JAKMIP3: variants seen among roughly 807,000 people sequenced by gnomAD.
JAKMIP3 encodes the protein janus kinase and microtubule-interacting protein 3.
In JAKMIP3, 58 loss-of-function variants were observed where a neutral mutation model predicts 118.5. That is an observed-to-expected ratio of 0.49 (90% CI 0.40 to 0.61). The LOEUF is 0.61. Among genes scored for constraint, JAKMIP3 ranks in the 20% least tolerant of loss-of-function variants. The pLI is 0.00. For synonymous variants in JAKMIP3, 486 were observed against 451.2 expected (o/e 1.08, Z -0.98); for missense variants, 950 against 1,109.0 (o/e 0.86, Z 2.04).
intron 1 of JAKMIP3, among the ~76,000 whole-genome samples, chr10:132,058,706 G>A (rs1281421561): frequency 6.6e-6 from 1 of 152,222 alleles, no homozygotes; most frequent in Non-Finnish European, 1.5e-5. Context: ...GACGCACCCG[G>A]CTGTTGGAAA....
intron 16 of JAKMIP3, among the ~76,000 whole-genome samples, chr10:132,152,004 G>A (rs749768358): frequency 4.0e-4 from 61 of 152,300 alleles, no homozygotes; most frequent in Middle Eastern, 3.4e-3. Context: ...TCACCCTGAA[G>A]CCACCTGCTC....
intron 23 of JAKMIP3, chr10:132,181,660 G>C: frequency 6.6e-6 from 1 of 152,242 alleles, no homozygotes; most frequent in East Asian, 1.9e-4. Context: ...TGTGTCATTT[G>C]ACTACATTTA....
chr10:132,145,553 C>CTT lies in JAKMIP3; in HGVS notation c.1722_1723insTT (p.Arg575PhefsTer75). On this transcript the variant is annotated frameshift_variant, in exon 13 of 24. Transcript: ENST00000684848. LOFTEE classifies it high-confidence loss of function. ...GGATTGAAGAGAAGCAGGCACTGTA[C>CTT]CGGAGAAATCAAGAGCTTGTGGAAA... The CTT allele has an allele frequency of 6.4e-7, 1 of 1,565,026 alleles. No homozygotes were observed. The highest frequency in any genetic ancestry group is 8.7e-7 in the Non-Finnish European group (1 of 1,154,792).
chr10:132,139,423 T>C (rs928419395), intron 9 of JAKMIP3, among the ~76,000 whole-genome samples: 10 of 97,502 alleles, frequency 1.0e-4, no homozygotes, highest in Admixed American at 4.1e-4. Flanking sequence ...TGAGTGTGTG[T>C]GTGTGTTTGT....
chr10:132,149,312 G>C, intron 14 of JAKMIP3, 100 bp from the exon 15 acceptor site: 1 of 750,994 alleles, frequency 1.3e-6, no homozygotes. Context: ...TTGATCCCTG[G>C]TTCCATGGTC....
At position 132,103,925 on chromosome 10, in the gene JAKMIP3, G is replaced by T. The variant is rs1036810103; in HGVS notation, c.-137-747G>T. Among the ~76,000 whole-genome samples, 114 of 152,288 alleles carry T rather than the reference G, an allele frequency of 7.5e-4. 1 individual carries two copies. The highest frequency in any genetic ancestry group is 2.7e-3 in the African/African-American group (111 of 41,552). ...CCCCTGGCACCCACCATTCTACTTA[G>T]TTCCTGGGTTTGCCGACTGTAGATC... is the stretch of plus-strand genomic sequence containing the variant. On this transcript the variant is annotated intron_variant, in intron 1 of 23. Coordinates refer to ENST00000684848, the MANE Select transcript of JAKMIP3 (RefSeq NM_001323087.2).
intron 23 of JAKMIP3, among the ~76,000 whole-genome samples, chr10:132,171,278 AAG>A (rs1308958130): frequency 6.6e-6 from 1 of 152,178 alleles, no homozygotes; most frequent in Non-Finnish European, 1.5e-5. Context: ...GGTGTCAGGA[AAG>A]AGCTACTACC....
At chr10:132,094,869 G>A (rs2134516427) in intron 1 of JAKMIP3, among the ~76,000 whole-genome samples, 1 of 152,200 alleles carries the variant, frequency 6.6e-6, no homozygotes, top group Middle Eastern at 3.4e-3. Flanking sequence ...CGGGGCCAGT[G>A]TCTGAGCTCA....
In JAKMIP3 at chr10:132,179,672, T is replaced by C. The variant is rs1434958790; in HGVS notation, c.*1104-2685T>C. Among the ~76,000 whole-genome samples the C allele has an allele frequency of 6.6e-6, 1 of 150,524 alleles. No homozygotes were observed. Among genetic ancestry groups the C allele is most frequent in the Non-Finnish European group, 1.5e-5 (1 of 67,786 alleles). On this transcript the variant is annotated intron_variant, in intron 23 of 23. Coordinates refer to ENST00000684848, the MANE Select transcript of JAKMIP3 (RefSeq NM_001323087.2). The surrounding 1 kb of genome is among the most constrained non-coding windows in gnomAD (Gnocchi z 4.3). ...CTGCATCTCTGGGGACTCGCTAGGA[T>C]TCACAGGACTCAGCACACAGTCACA...
chr10:132,108,903 C>T lies in JAKMIP3; in HGVS notation c.135+3960C>T, dbSNP rs1007649512. Among the ~76,000 whole-genome samples, 31 of 147,516 alleles carry T rather than the reference C, an allele frequency of 2.1e-4. No homozygotes were observed. The South Asian group carries it at 4.0e-3, about 19-fold the overall frequency. ...CACAAATGTATATATAAATTATATA[C>T]GCAAATGTATATATAAATTATATAC... On this transcript the variant is annotated intron_variant, in intron 2 of 23. Coordinates refer to ENST00000684848, the MANE Select transcript of JAKMIP3 (RefSeq NM_001323087.2).
intron 19 of JAKMIP3, among the ~76,000 whole-genome samples, chr10:132,162,306 ACG>A (rs1167917602): frequency 6.6e-6 from 1 of 152,244 alleles, no homozygotes; most frequent in Non-Finnish European, 1.5e-5. Flanking sequence ...TCGTGTCACC[ACG>A]GAGGTCCTGA....
chr10:132,180,754 T>C lies in JAKMIP3; in HGVS notation c.*1104-1603T>C, dbSNP rs1460812374. 1.4e-3 allele frequency among the ~76,000 whole-genome samples: 32 copies of C among 23,398 alleles called. 12 individuals carry two copies. Among genetic ancestry groups the C allele is most frequent in the East Asian group, 7.1e-3 (1 of 140 alleles). The allele number at this position is 23,398 out of a possible 152,430, so 15.3% of individuals were successfully genotyped here. ...GCGTGTGTGCGTGCGTGCGCGCGCG[T>C]GTGTGCGTGTGTGTGCGTGTGTGTG... On this transcript the variant is annotated intron_variant, in intron 23 of 23. Coordinates refer to ENST00000684848, the MANE Select transcript of JAKMIP3 (RefSeq NM_001323087.2).
Position 132,145,743 on chromosome 10 carries a change from C to G in JAKMIP3, c.1749+163C>G, listed in dbSNP as rs76728479. Among the ~76,000 whole-genome samples, 96 of 152,278 alleles carry G rather than the reference C, an allele frequency of 6.3e-4. No individual in the cohort carries two copies. The East Asian group carries it at 0.017, about 27-fold the overall frequency. ...CCTCCTGCGGGACCCCATCAGGAGC[C>G]CTGGGGAGGAGGATGGCCTGGACAG... On this transcript the variant is annotated intron_variant, in intron 13 of 23. Coordinates refer to ENST00000684848, the MANE Select transcript of JAKMIP3 (RefSeq NM_001323087.2).
chr10:132,040,113 T>C (rs2133752676), intron 1 of JAKMIP3, among the ~76,000 whole-genome samples: 1 of 152,098 alleles, frequency 6.6e-6, no homozygotes, highest in African/African-American at 2.4e-5. Flanking sequence ...AATGTAATGG[T>C]ATTGGGGGGG....
chr10:132,135,715 T>C (rs2051623119), intron 5 of JAKMIP3, among the ~76,000 whole-genome samples: 1 of 152,040 alleles, frequency 6.6e-6, no homozygotes, highest in Non-Finnish European at 1.5e-5. Flanking sequence ...CGGGTTCACC[T>C]GGGCACTGGA....
intron 3 of JAKMIP3, among the ~76,000 whole-genome samples, chr10:132,119,238 G>A (rs960909939): frequency 5.9e-5 from 9 of 151,868 alleles, no homozygotes; most frequent in African/African-American, 1.7e-4. Context: ...AACTTACACC[G>A]AAGTGCAGGT....
At chr10:132,180,523 CTGTGTGTG>C (rs760742595) in intron 23 of JAKMIP3, among the ~76,000 whole-genome samples, 2 of 74,448 alleles carry the variant, frequency 2.7e-5, no homozygotes, top group African/African-American at 1.7e-4. Context: ...GGAAGCAGAA[CTGTGTGTG>C]TGTGTGTGTG....
Position 132,159,115 on chromosome 10 carries a change from T to G in JAKMIP3, c.2221-4094T>G, listed in dbSNP as rs149545502. 4.1e-3 allele frequency among the ~76,000 whole-genome samples: 568 copies of G among 140,216 alleles called. 9 individuals are homozygous for G. The highest frequency in any genetic ancestry group is 0.014 in the African/African-American group (526 of 37,376). 92.0% of individuals were successfully genotyped at this position (140,216 alleles called of 152,430 possible). ...TCCCGTGTGATTCTGGGGGCGTCTC[T>G]CCCCGTGTGATTCTGGGGGCGTCTC... On this transcript the variant is annotated intron_variant, in intron 19 of 23. Transcript: ENST00000684848.
chr10:132,047,877 C>T (rs1171790991), intron 1 of JAKMIP3, among the ~76,000 whole-genome samples: 1 of 150,548 alleles, frequency 6.6e-6, no homozygotes, highest in African/African-American at 2.4e-5. Flanking sequence ...CCACCCCCCG[C>T]CCCGCCCCCC....
Sources: allele counts gnomAD v4.1 joint callset (sites outside exome capture counted in the v4.1 genomes callset), GRCh38; gene constraint gnomAD v4.1.1; non-coding constraint Gnocchi (gnomAD v3.1); transcripts MANE v1.5; gene names NCBI Gene and HGNC (gene_info 2026-07-23, HGNC 2026-07-21).